The following PSD3 variants were observed in gnomAD, a reference collection of about 807,000 sequenced individuals.
PSD3 encodes PH and SEC7 domain-containing protein 3.
Under a neutral mutation model 105.5 loss-of-function variants are expected in PSD3, and 49 were observed. That is an observed-to-expected ratio of 0.46 (90% CI 0.37 to 0.59). The LOEUF (loss-of-function observed/expected upper bound fraction) is 0.59. PSD3 is among the 20% of genes least tolerant of loss of function. The pLI is 0.00. For synonymous variants in PSD3, 557 were observed against 457.8 expected, an observed-to-expected ratio of 1.22 and a Z score of -2.77; for missense variants, 1,561 against 1,263.8, an observed-to-expected ratio of 1.24 and a Z score of -3.57.
At chr8:18,686,601 T>C (rs1011679887) in intron 9 of PSD3, among the ~76,000 whole-genome samples, 4 of 152,112 alleles carry the variant, frequency 2.6e-5, no homozygotes, top group Admixed American at 2.0e-4. Flanking sequence ...TCTCAAGAGG[T>C]ACCTGAAAAA....
intron 9 of PSD3, among the ~76,000 whole-genome samples, chr8:18,704,040 G>C (rs984906649): frequency 4.6e-5 from 7 of 152,110 alleles, no homozygotes; most frequent in Non-Finnish European, 8.8e-5. Flanking sequence ...ATGCCAAAAA[G>C]ATGAAAAAGC....
chr8:18,669,125 TTGTATTAG>T (rs1265462631), intron 9 of PSD3, among the ~76,000 whole-genome samples: 1 of 152,242 alleles, frequency 6.6e-6, no homozygotes, highest in Admixed American at 6.5e-5. Context: ...TGCATCCTCA[TTGTATTAG>T]TCTATTGTAC....
At chr8:18,896,886 C>T (rs1328882552) in intron 2 of PSD3, among the ~76,000 whole-genome samples, 2 of 152,078 alleles carry the variant, frequency 1.3e-5, no homozygotes, top group Admixed American at 6.5e-5. Flanking sequence ...TCTCGGCTCA[C>T]CACAACCTCC....
At chr8:18,668,788 T>C (rs971991193) in intron 9 of PSD3, among the ~76,000 whole-genome samples, 66 of 152,202 alleles carry the variant, frequency 4.3e-4, no homozygotes, top group Admixed American at 1.2e-3. Flanking sequence ...ATTTTAAATA[T>C]AGATAATCAG....
At chr8:18,694,644 G>C (rs1408244572) in intron 9 of PSD3, among the ~76,000 whole-genome samples, 2 of 149,956 alleles carry the variant, frequency 1.3e-5, no homozygotes, top group Non-Finnish European at 3.0e-5. Context: ...TCCTTCTCTA[G>C]ATGGAAGCTT....
intron 4 of PSD3, among the ~76,000 whole-genome samples, chr8:18,820,162 AT>A (rs1812572530): frequency 1.0e-5 from 1 of 99,772 alleles, no homozygotes; most frequent in East Asian, 3.0e-4. Flanking sequence ...AATTGCTGGC[AT>A]TTTTTTCCTT....
chr8:18,709,947 A>T (rs1042450209), intron 9 of PSD3, among the ~76,000 whole-genome samples: 4 of 152,206 alleles, frequency 2.6e-5, no homozygotes, highest in Non-Finnish European at 5.9e-5. Flanking sequence ...CCTCCAAATG[A>T]TTGCACCACC....
intron 1 of PSD3, among the ~76,000 whole-genome samples, chr8:18,976,746 C>T (rs376714075): frequency 8.5e-5 from 13 of 152,166 alleles, no homozygotes; most frequent in African/African-American, 2.9e-4. Flanking sequence ...CTGTTCTATG[C>T]ATTTATCCAT....
chr8:19,050,475 G>A (rs1828488777), intron 1 of PSD3, among the ~76,000 whole-genome samples: 1 of 152,134 alleles, frequency 6.6e-6, no homozygotes, highest in African/African-American at 2.4e-5. Flanking sequence ...AGAAAATGTG[G>A]CACATATACA....
upstream of PSD3, among the ~76,000 whole-genome samples, chr8:19,015,235 A>G (rs1000303482): frequency 1.3e-5 from 2 of 152,086 alleles, no homozygotes; most frequent in African/African-American, 4.8e-5. Flanking sequence ...CTCTTGGCCT[A>G]CTGCCATCCG....
intron 2 of PSD3, among the ~76,000 whole-genome samples, chr8:18,904,046 G>C (rs1819681867): frequency 6.6e-6 from 1 of 152,110 alleles, no homozygotes; most frequent in African/African-American, 2.4e-5. Context: ...AAGAGGTTTA[G>C]TTGGCTCACA....
intron 9 of PSD3, among the ~76,000 whole-genome samples, chr8:18,758,234 G>T (rs1240765852): frequency 6.6e-6 from 1 of 152,100 alleles, no homozygotes; most frequent in Non-Finnish European, 1.5e-5. Flanking sequence ...GATGAGAGAG[G>T]AGAGAGCAAC....
At chr8:19,012,260 G>A (rs1176086553) in intron 1 of PSD3, among the ~76,000 whole-genome samples, 1 of 152,190 alleles carries the variant, frequency 6.6e-6, no homozygotes, top group African/African-American at 2.4e-5. Flanking sequence ...AGGACATCCA[G>A]CCAGCCACTA....
At chr8:18,954,117 T>A (rs189677923) in intron 1 of PSD3, among the ~76,000 whole-genome samples, 4 of 152,064 alleles carry the variant, frequency 2.6e-5, no homozygotes, top group African/African-American at 9.6e-5. Flanking sequence ...TGTGGCTACA[T>A]CCCCATCATA....
chr8:18,873,009 T>C (rs1399787431), intron 2 of PSD3, among the ~76,000 whole-genome samples: 1 of 152,182 alleles, frequency 6.6e-6, no homozygotes, highest in Non-Finnish European at 1.5e-5. Context: ...GTCCCATACA[T>C]GAGGATTCAG....
intron 9 of PSD3, among the ~76,000 whole-genome samples, chr8:18,702,247 A>G (rs1459039244): frequency 6.6e-6 from 1 of 152,230 alleles, no homozygotes; most frequent in Non-Finnish European, 1.5e-5. Flanking sequence ...TCAGATCCAC[A>G]TTCTCCCGGA....
chr8:18,970,344 A>AAAAAAAAAAAAAAAAAAAAAG (rs1563474672), intron 1 of PSD3, among the ~76,000 whole-genome samples: 4 of 148,406 alleles, frequency 2.7e-5, no homozygotes, highest in African/African-American at 1.0e-4. Context: ...AAAAAAAAAA[A>AAAAAAAAAAAAAAAAAAAAAG]AAAACAAAGA....
At chr8:18,710,045 C>T (rs1373910826) in intron 9 of PSD3, among the ~76,000 whole-genome samples, 4 of 152,150 alleles carry the variant, frequency 2.6e-5, no homozygotes, top group Non-Finnish European at 4.4e-5. Context: ...ACAAGCTTTG[C>T]TGAGCTAAAG....
At chr8:18,591,769 T>C (rs376854591) in intron 12 of PSD3, among the ~76,000 whole-genome samples, 1 of 152,306 alleles carries the variant, frequency 6.6e-6, no homozygotes, top group East Asian at 1.9e-4. Context: ...TTCAGGGAAC[T>C]GATGGCATAC....
Sources: gnomAD v4.1 joint callset for allele counts (sites outside exome capture counted in the v4.1 genomes callset) on GRCh38, gnomAD v4.1.1 for gene constraint, MANE v1.5 for transcripts, NCBI Gene and HGNC (gene_info 2026-07-23, HGNC 2026-07-21) for gene names.